CHRNA3: variants seen among roughly 807,000 people sequenced by gnomAD.
The protein encoded by CHRNA3 is cholinergic receptor nicotinic alpha 3 subunit.
CHRNA3 carries 34 observed loss-of-function variants against 41.9 expected under a neutral mutation model. The observed-to-expected ratio is 0.81, with a 90% CI of 0.62 to 1.08. The LOEUF is 1.08. Ranked by LOEUF, CHRNA3 falls within the 50% of genes least tolerant of loss-of-function variation. CHRNA3 has a pLI of 0.00. For missense variants in CHRNA3, 542 were observed against 638.3 expected, an observed-to-expected ratio of 0.85 and a Z score of 1.63; for synonymous variants, 281 against 265.2, an observed-to-expected ratio of 1.06 and a Z score of -0.58.
At position 78,620,889 on chromosome 15, in the gene CHRNA3, C is replaced by G. The variant is rs996728321; in HGVS notation, c.-95G>C. The G allele has an allele frequency of 1.2e-5, 15 of 1,274,890 alleles. No homozygotes were observed. In the African/African-American group the frequency reaches 1.4e-4, roughly 12 times the overall value. The allele number at this position is 1,274,890 out of a possible 1,614,324, so 79.0% of individuals were successfully genotyped here. On this transcript the variant is annotated 5_prime_UTR_variant, in exon 1 of 6. Coordinates refer to ENST00000326828, the MANE Select transcript of CHRNA3 (RefSeq NM_000743.5). ...TCCCCGCGCGGCTCCAGCGCAGACC[C>G]CAGACCTGGAGCCGTGCGGGCGGAG...
chr15:78,617,778 C>T (rs566151430), intron 3 of CHRNA3, among the ~76,000 whole-genome samples: 15 of 152,306 alleles, frequency 9.8e-5, no homozygotes, highest in Non-Finnish European at 2.1e-4. Flanking sequence ...GAGTGCTCAG[C>T]TGGCCAGGCT....
intron 4 of CHRNA3, 62 bp from the exon 5 acceptor site, chr15:78,602,326 C>A: frequency 6.6e-7 from 1 of 1,511,716 alleles, no homozygotes; most frequent in South Asian, 1.3e-5. Flanking sequence ...ATATTGTGGT[C>A]ATCTCAACCA....
At chr15:78,611,489 A>C (rs2141337988) in intron 4 of CHRNA3, among the ~76,000 whole-genome samples, 1 of 151,972 alleles carries the variant, frequency 6.6e-6, no homozygotes, top group African/African-American at 2.4e-5. Flanking sequence ...ATCTCAATAG[A>C]TGCAGAAAAG....
intron 4 of CHRNA3, among the ~76,000 whole-genome samples, chr15:78,615,654 GAT>G: frequency 7.5e-6 from 1 of 133,638 alleles, no homozygotes; most frequent in Non-Finnish European, 1.6e-5. Flanking sequence ...CAGGTATAGA[GAT>G]TTTTTGGATA....
At chr15:78,618,506 G>A in intron 3 of CHRNA3, 111 bp downstream of exon 3, 1 of 1,255,872 alleles carries the variant, frequency 8.0e-7, no homozygotes, top group South Asian at 1.3e-5. Flanking sequence ...ACCCCAATCT[G>A]GGTTCCACAG....
Position 78,601,834 on chromosome 15 carries a change from C to T in CHRNA3, c.808G>A (p.Gly270Ser), listed in dbSNP as rs368207734. 21 of 1,613,938 alleles carry T rather than the reference C, an allele frequency of 1.3e-5. No individual in the cohort carries two copies. Among genetic ancestry groups the T allele is most frequent in the African/African-American group, 5.3e-5 (4 of 74,888 alleles). ...VLVFYLPSDC[G>S]EKVTLCISVL... ...GAAATGCACAGGGTCACCTTCTCAC[C>T]GCAGTCGGAGGGCAGGTAGAAGACG... Residue 270 changes from glycine to serine, a missense_variant, in exon 5 of 6, where the codon GGT (glycine) becomes AGT (serine). Physicochemically the swap from Gly to Ser is moderately conservative, Grantham distance 56. Coordinates refer to ENST00000326828, the MANE Select transcript of CHRNA3 (RefSeq NM_000743.5).
chr15:78,618,502 A>G (rs1363204547), intron 3 of CHRNA3, 115 bp downstream of exon 3: 37 of 1,204,324 alleles, frequency 3.1e-5, no homozygotes, highest in East Asian at 1.7e-4. Flanking sequence ...GTGGACCCCA[A>G]TCTGGGTTCC....
At chr15:78,613,585 G>C (rs1216882461) in intron 4 of CHRNA3, among the ~76,000 whole-genome samples, 1 of 124,002 alleles carries the variant, frequency 8.1e-6, no homozygotes. Context: ...TGGGGGGAGG[G>C]GGGAGAGATA....
chr15:78,597,789 C>T (rs1038278406), intron 5 of CHRNA3, among the ~76,000 whole-genome samples: 2 of 152,138 alleles, frequency 1.3e-5, no homozygotes, highest in Non-Finnish European at 2.9e-5. Context: ...ACCCATGAGT[C>T]AGCTGATTTT....
At chr15:78,620,286 T>C in intron 1 of CHRNA3, 1 of 181,770 alleles carries the variant, frequency 5.5e-6, no homozygotes. Context: ...GGCCAAGTCT[T>C]CAGCCATCTC....
intron 5 of CHRNA3, among the ~76,000 whole-genome samples, chr15:78,597,785 G>A (rs1225305761): frequency 6.6e-6 from 1 of 152,214 alleles, no homozygotes; most frequent in African/African-American, 2.4e-5. Context: ...GAGAACCCAT[G>A]AGTCAGCTGA....
chr15:78,614,183 G>A (rs1224928096), intron 4 of CHRNA3, among the ~76,000 whole-genome samples: 1 of 152,140 alleles, frequency 6.6e-6, no homozygotes, highest in Non-Finnish European at 1.5e-5. Flanking sequence ...TACTCCAGCT[G>A]TTCACTCAAG....
intron 5 of CHRNA3, among the ~76,000 whole-genome samples, chr15:78,597,268 A>C (rs1000874450): frequency 2.0e-5 from 3 of 152,126 alleles, no homozygotes; most frequent in African/African-American, 7.2e-5. Flanking sequence ...TGTCTCTACC[A>C]AAAATACAAA....
In CHRNA3 at chr15:78,618,919, T is replaced by C. The variant is rs2869547; in HGVS notation, c.83-4A>G. ...TCAGCCTCTGAGGCCCTGGCCACTGTGGGAAGCAGCCCTGTCAGTCCCTGG... is the reference window on the plus strand; with the variant it reads ...TCAGCCTCTGAGGCCCTGGCCACTGCGGGAAGCAGCCCTGTCAGTCCCTGG... On this transcript the variant is annotated splice_region_variant and splice_polypyrimidine_tract_variant and intron_variant, in intron 1 of 5. Coordinates refer to ENST00000326828, the MANE Select transcript of CHRNA3 (RefSeq NM_000743.5). The C allele has an allele frequency of 1, 1,610,333 of 1,612,920 alleles. 803,907 individuals are homozygous for C. Among genetic ancestry groups the C allele is most frequent in the East Asian group, 1 (44,866 of 44,866 alleles).
At position 78,618,815 on chromosome 15, in the gene CHRNA3, G is replaced by C. The variant is rs530472203; in HGVS notation, c.183C>G (p.Ile61Met). Reference sequence around the variant, plus strand: ...GAGACATGGACACCTCGAAATGGATGATGACTGGGTCAGACACGTTGGCTA... The same window carrying C: ...GAGACATGGACACCTCGAAATGGATCATGACTGGGTCAGACACGTTGGCTA... Reference protein sequence around the residue: ...RPVANVSDPVIIHFEVSMSQL... With the variant: ...RPVANVSDPVMIHFEVSMSQL... The change falls in exon 2 of 6, where the codon ATC becomes ATG. Residue 61 changes from isoleucine (I) to methionine (M), a missense_variant. Coordinates refer to ENST00000326828, the MANE Select transcript of CHRNA3 (RefSeq NM_000743.5). 44 of 1,614,130 alleles carry C rather than the reference G, an allele frequency of 2.7e-5. 1 individual carries two copies. The South Asian group carries it at 4.7e-4, about 17-fold the overall frequency.
chr15:78,598,602 ATG>A (rs2053149042), intron 5 of CHRNA3, among the ~76,000 whole-genome samples: 1 of 152,008 alleles, frequency 6.6e-6, no homozygotes, highest in Non-Finnish European at 1.5e-5. Context: ...GTGCAGTGGC[ATG>A]ACCTCGCCTC....
At chr15:78,600,896 C>T (rs1441561635) in intron 5 of CHRNA3, among the ~76,000 whole-genome samples, 1 of 152,008 alleles carries the variant, frequency 6.6e-6, no homozygotes, top group Non-Finnish European at 1.5e-5. Context: ...AAAAATATAA[C>T]CTCAATTAAC....
At chr15:78,618,973 A>G (rs1431826544) in intron 1 of CHRNA3, 58 bp from the exon 2 acceptor site, 3 of 1,583,878 alleles carry the variant, frequency 1.9e-6, no homozygotes, top group East Asian at 4.5e-5. Flanking sequence ...TCCCCCACCC[A>G]GCCCAGCAGA....
Position 78,601,826 on chromosome 15 carries a change from C to T in CHRNA3, c.816G>A (p.Lys272=), listed in dbSNP as rs2053205245. The T allele has an allele frequency of 6.2e-7, 1 of 1,614,106 alleles. No homozygotes were observed. Among genetic ancestry groups the T allele is most frequent in the Non-Finnish European group, 8.5e-7 (1 of 1,180,028 alleles). ...VFYLPSDCGE[K]VTLCISVLLS... Reference sequence around the variant, plus strand: ...GGAGGACAGAAATGCACAGGGTCACCTTCTCACCGCAGTCGGAGGGCAGGT... The same window carrying T: ...GGAGGACAGAAATGCACAGGGTCACTTTCTCACCGCAGTCGGAGGGCAGGT... Residue 272 remains lysine, a synonymous_variant, in exon 5 of 6, where the codon AAG becomes AAA. Coordinates refer to ENST00000326828, the MANE Select transcript of CHRNA3 (RefSeq NM_000743.5).
Sources: gnomAD v4.1 joint callset for allele counts (sites outside exome capture counted in the v4.1 genomes callset) on GRCh38, gnomAD v4.1.1 for gene constraint, MANE v1.5 for transcripts, NCBI Gene and HGNC (gene_info 2026-07-23, HGNC 2026-07-21) for gene names.